The following PLCE1 variants were observed in gnomAD, a reference collection of about 807,000 sequenced individuals.
PLCE1 encodes 1-phosphatidylinositol 4,5-bisphosphate phosphodiesterase epsilon-1.
PLCE1 carries 119 observed loss-of-function variants against 242.8 expected under a neutral mutation model. The observed-to-expected ratio is 0.49, with a 90% confidence interval of 0.42 to 0.57. PLCE1 has a LOEUF of 0.57. PLCE1 is among the 20% of genes least tolerant of loss of function. The probability of loss-of-function intolerance (pLI) is 0.00; values close to 1 mark genes in which losing one functional copy is unlikely to be tolerated. For synonymous variants in PLCE1, 945 were observed against 1,017.4 expected, an observed-to-expected ratio of 0.93 and a Z score of 1.35; for missense variants, 2,441 against 2,788.8, an observed-to-expected ratio of 0.88 and a Z score of 2.81.
intron 2 of PLCE1, among the ~76,000 whole-genome samples, chr10:94,057,863 T>C (rs79297991): frequency 0.013 from 1,970 of 152,312 alleles, 48 homozygotes; most frequent in African/African-American, 0.044. Flanking sequence ...AGCTCACTTG[T>C]TGTTGGCAGG....
At chr10:94,279,558 T>G in intron 19 of PLCE1, 3 of 567,924 alleles carry the variant, frequency 5.3e-6, no homozygotes, top group East Asian at 3.1e-5. Context: ...CTTCTGGAGA[T>G]TGTTTATAAA....
intron 1 of PLCE1, among the ~76,000 whole-genome samples, chr10:94,013,367 C>A (rs1290283227): frequency 3.3e-5 from 5 of 152,130 alleles, no homozygotes; most frequent in Admixed American, 3.3e-4. Flanking sequence ...TTGTAAGGCA[C>A]TCAGGGTTTT....
At chr10:94,089,675 G>A (rs184689791) in intron 2 of PLCE1, among the ~76,000 whole-genome samples, 2 of 152,208 alleles carry the variant, frequency 1.3e-5, no homozygotes, top group East Asian at 3.9e-4. Context: ...TTTATTAGAT[G>A]TTTGTTTTCA....
chr10:94,321,431 A>G lies in PLCE1; in HGVS notation c.6343-470A>G, dbSNP rs555309592. ...GGTGGATCACAAGGTCAGGAGTTCA[A>G]GACCAGCCTGGCCAGCATGGCGAAA... On this transcript the variant is annotated intron_variant, in intron 29 of 32. Coordinates refer to ENST00000371380, the MANE Select transcript of PLCE1 (RefSeq NM_016341.4). Among the ~76,000 whole-genome samples the G allele has an allele frequency of 2.0e-5, 3 of 152,336 alleles. No homozygotes were observed. The East Asian group carries it at 5.8e-4, about 29-fold the overall frequency.
At chr10:94,279,556 G>T (rs1290873759) in intron 19 of PLCE1, 1 of 571,990 alleles carries the variant, frequency 1.7e-6, no homozygotes, top group Non-Finnish European at 3.1e-6. Flanking sequence ...GTCTTCTGGA[G>T]ATTGTTTATA....
intron 1 of PLCE1, among the ~76,000 whole-genome samples, chr10:94,027,382 T>C (rs1388827901): frequency 6.6e-6 from 1 of 152,200 alleles, no homozygotes; most frequent in African/African-American, 2.4e-5. Flanking sequence ...TGGTCTGAGA[T>C]TGAACCAAGT....
At chr10:94,052,428 G>A (rs2043791590) in intron 2 of PLCE1, among the ~76,000 whole-genome samples, 1 of 152,204 alleles carries the variant, frequency 6.6e-6, no homozygotes, top group Non-Finnish European at 1.5e-5. Context: ...TGTCCTCGCA[G>A]TAGATAAATC....
chr10:94,288,305 T>C (rs560909189), intron 22 of PLCE1, among the ~76,000 whole-genome samples: 1 of 152,258 alleles, frequency 6.6e-6, no homozygotes, highest in Admixed American at 6.5e-5. Flanking sequence ...CTTAAAAGAT[T>C]ACAACCCTGT....
At chr10:94,252,266 C>T (rs1310802727) in intron 8 of PLCE1, 50 bp from the exon 9 acceptor site, 2 of 1,523,348 alleles carry the variant, frequency 1.3e-6, no homozygotes, top group Non-Finnish European at 1.8e-6. Context: ...ATATTTACTT[C>T]CCCATTGCTT....
At chr10:94,048,488 T>TA (rs2043662240) in intron 2 of PLCE1, among the ~76,000 whole-genome samples, 1 of 151,902 alleles carries the variant, frequency 6.6e-6, no homozygotes, top group Non-Finnish European at 1.5e-5. Context: ...TCAAATGGAT[T>TA]AAAAAATATT....
At chr10:94,274,000 A>C (rs1490671393) in intron 19 of PLCE1, among the ~76,000 whole-genome samples, 1 of 152,174 alleles carries the variant, frequency 6.6e-6, no homozygotes, top group African/African-American at 2.4e-5. Flanking sequence ...TGTGTCTGAA[A>C]CTGAGCTTAG....
chr10:94,002,772 G>A (rs1158403893), intron 1 of PLCE1, among the ~76,000 whole-genome samples: 2 of 152,198 alleles, frequency 1.3e-5, no homozygotes, highest in African/African-American at 4.8e-5. Flanking sequence ...CTACCTAGCT[G>A]GGGAGCAGTA....
chr10:94,238,872 A>T (rs1271674366), intron 7 of PLCE1, among the ~76,000 whole-genome samples: 5 of 152,166 alleles, frequency 3.3e-5, no homozygotes, highest in African/African-American at 1.2e-4. Context: ...AAAATAAGAT[A>T]TAAGTAGATG....
chr10:94,044,812 G>A (rs1401078821), intron 2 of PLCE1, among the ~76,000 whole-genome samples: 1 of 145,332 alleles, frequency 6.9e-6, no homozygotes, highest in Non-Finnish European at 1.6e-5. Context: ...CCAAAACTTC[G>A]ATTTTTTTTT....
intron 24 of PLCE1, among the ~76,000 whole-genome samples, chr10:94,303,537 T>A (rs1048260192): frequency 2.0e-5 from 3 of 152,222 alleles, no homozygotes; most frequent in Non-Finnish European, 2.9e-5. Context: ...TACGATTTTT[T>A]AAAAAGAAAT....
Position 94,012,162 on chromosome 10 carries a change from T to G in PLCE1, c.-365+17904T>G, listed in dbSNP as rs11187764. On this transcript the variant is annotated intron_variant, in intron 1 of 32. Coordinates refer to ENST00000371380, the MANE Select transcript of PLCE1 (RefSeq NM_016341.4). ...GTAACATGGCCGATATTTTCCAGCA[T>G]GTGAACCTGGGAATTTCTTCCCTTG... is the stretch of plus-strand genomic sequence containing the variant. 7.7e-3 allele frequency among the ~76,000 whole-genome samples: 1,168 copies of G among 152,178 alleles called. 38 individuals are homozygous for G. The highest frequency in any genetic ancestry group is 0.068 in the East Asian group (347 of 5,078).
At chr10:94,123,854 G>T (rs2046366156) in intron 2 of PLCE1, among the ~76,000 whole-genome samples, 1 of 152,100 alleles carries the variant, frequency 6.6e-6, no homozygotes, top group Non-Finnish European at 1.5e-5. Flanking sequence ...TAACTCACAG[G>T]TGACACCGTT....
In PLCE1 at chr10:94,132,517, G is replaced by A. The variant is rs541754935; in HGVS notation, c.1492+58G>A. 2,744 of 1,521,710 alleles carry A rather than the reference G, an allele frequency of 1.8e-3. 6 individuals carry two copies. Among genetic ancestry groups the A allele is most frequent in the Non-Finnish European group, 2.2e-3 (2,445 of 1,099,952 alleles). The allele number at this position is 1,521,710 out of a possible 1,614,324, so 94.3% of individuals were successfully genotyped here. A position where few individuals can be genotyped will look rare whatever the true frequency, so the allele number is the denominator to read the frequency against. On this transcript the variant is annotated intron_variant, in intron 3 of 32. Transcript: ENST00000371380. Reference sequence around the variant, plus strand: ...TCTTTGACTACAGAGAAGGATCTAAGTTAAGATTTATGTATCTCCTGATGG... The same window carrying A: ...TCTTTGACTACAGAGAAGGATCTAAATTAAGATTTATGTATCTCCTGATGG...
intron 2 of PLCE1, among the ~76,000 whole-genome samples, chr10:94,103,332 A>C (rs2045608214): frequency 6.6e-6 from 1 of 152,210 alleles, no homozygotes; most frequent in Non-Finnish European, 1.5e-5. Flanking sequence ...TTGTGCTGTT[A>C]ATTACTGATG....
Sources: gnomAD v4.1 joint callset for allele counts (sites outside exome capture counted in the v4.1 genomes callset) on GRCh38, gnomAD v4.1.1 for gene constraint, MANE v1.5 for transcripts, NCBI Gene and HGNC (gene_info 2026-07-23, HGNC 2026-07-21) for gene names.